Variants in GRIA4 observed in about 807,000 individuals in gnomAD.
The protein encoded by GRIA4 is glutamate ionotropic receptor AMPA type subunit 4, also known as glutamate receptor 4.
Under a neutral mutation model 104.0 loss-of-function variants are expected in GRIA4, and 34 were observed. That is an observed-to-expected ratio of 0.33 (90% CI 0.25 to 0.44). The LOEUF (loss-of-function observed/expected upper bound fraction) is 0.44, where lower values mean the gene tolerates loss of function less well. GRIA4 is among the 20% of genes least tolerant of loss of function. The pLI is 1.00. For synonymous variants in GRIA4, 386 were observed against 381.9 expected, an observed-to-expected ratio of 1.01 and a Z score of -0.13; for missense variants, 750 against 1,096.5, an observed-to-expected ratio of 0.68 and a Z score of 4.46.
intron 3 of GRIA4, among the ~76,000 whole-genome samples, chr11:105,620,877 C>T (rs1435678575): frequency 2.6e-5 from 4 of 151,812 alleles, no homozygotes; most frequent in Non-Finnish European, 5.9e-5. Context: ...TAAATATTTA[C>T]TGAGCTATCA....
chr11:105,900,833 G>C (rs1418283108), intron 7 of GRIA4, among the ~76,000 whole-genome samples: 3 of 152,084 alleles, frequency 2.0e-5, no homozygotes, highest in Admixed American at 6.5e-5. Context: ...CAAGTGATCT[G>C]TCCCAAAGTG....
chr11:105,968,312 C>T (rs940112692), intron 14 of GRIA4, among the ~76,000 whole-genome samples: 21 of 152,208 alleles, frequency 1.4e-4, no homozygotes, highest in African/African-American at 5.1e-4. Flanking sequence ...AATTATTAAA[C>T]TTGTGTTTGA....
intron 4 of GRIA4, among the ~76,000 whole-genome samples, chr11:105,806,591 T>C (rs1043063399): frequency 2.0e-5 from 3 of 151,884 alleles, no homozygotes; most frequent in African/African-American, 7.2e-5. Context: ...TATTCCAGAC[T>C]TGCAGACACA....
intron 3 of GRIA4, chr11:105,708,005 T>C (rs950783390): frequency 6.6e-6 from 1 of 152,120 alleles, no homozygotes; most frequent in Non-Finnish European, 1.5e-5. Context: ...CTGTCACAAA[T>C]AGTTTCAGAG....
intron 3 of GRIA4, among the ~76,000 whole-genome samples, chr11:105,619,794 G>A (rs544086202): frequency 6.6e-6 from 1 of 151,978 alleles, no homozygotes; most frequent in East Asian, 1.9e-4. Flanking sequence ...CAGCCCTAAA[G>A]GAGCCACACA....
At chr11:105,705,649 C>T (rs1953671835) in intron 3 of GRIA4, among the ~76,000 whole-genome samples, 1 of 152,032 alleles carries the variant, frequency 6.6e-6, no homozygotes, top group South Asian at 2.1e-4. Context: ...ACATCCGGTC[C>T]CCCAAAAAGT....
chr11:105,961,612 A>G (rs1948747113), intron 14 of GRIA4, among the ~76,000 whole-genome samples: 1 of 152,144 alleles, frequency 6.6e-6, no homozygotes, highest in South Asian at 2.1e-4. Context: ...TTTGCGTTAC[A>G]CTTACCACCA....
At chr11:105,684,336 T>C (rs183208007) in intron 3 of GRIA4, among the ~76,000 whole-genome samples, 1 of 152,164 alleles carries the variant, frequency 6.6e-6, no homozygotes, top group African/African-American at 2.4e-5. Context: ...GATTTTTTCA[T>C]GGTTCCACCA....
chr11:105,868,028 G>C (rs1945491841), intron 5 of GRIA4, among the ~76,000 whole-genome samples: 1 of 152,138 alleles, frequency 6.6e-6, no homozygotes, highest in African/African-American at 2.4e-5. Flanking sequence ...TTACACTCAA[G>C]CTGGGAACTC....
At chr11:105,771,262 T>C (rs767525481) in intron 4 of GRIA4, among the ~76,000 whole-genome samples, 17 of 152,068 alleles carry the variant, frequency 1.1e-4, no homozygotes, top group Non-Finnish European at 2.2e-4. Flanking sequence ...AAACTAACCT[T>C]CCTTTGTCCA....
intron 4 of GRIA4, among the ~76,000 whole-genome samples, chr11:105,791,227 G>A (rs1483620602): frequency 1.3e-5 from 2 of 152,158 alleles, no homozygotes. Context: ...ATGAATTAGA[G>A]TGCTGCTTTA....
intron 13 of GRIA4, among the ~76,000 whole-genome samples, 179 bp from the exon 14 acceptor site, chr11:105,933,543 G>A (rs902276222): frequency 6.6e-6 from 1 of 152,054 alleles, no homozygotes; most frequent in Non-Finnish European, 1.5e-5. Context: ...CTTAAACAGT[G>A]TTAAAAGGCA....
chr11:105,899,243 A>G (rs1946769901), intron 7 of GRIA4, among the ~76,000 whole-genome samples: 1 of 152,192 alleles, frequency 6.6e-6, no homozygotes, highest in Non-Finnish European at 1.5e-5. Flanking sequence ...AAATACTGGA[A>G]TTTGGCCAGC....
intron 3 of GRIA4, among the ~76,000 whole-genome samples, chr11:105,680,927 A>G (rs1297825825): frequency 6.6e-6 from 1 of 152,192 alleles, no homozygotes; most frequent in East Asian, 1.9e-4. Context: ...ATACATTACA[A>G]CATCCTCCAT....
chr11:105,768,592 TTTCTA>T (rs1224399691), intron 4 of GRIA4, among the ~76,000 whole-genome samples: 1 of 152,090 alleles, frequency 6.6e-6, no homozygotes, highest in Non-Finnish European at 1.5e-5. Context: ...ACCTGCTACT[TTTCTA>T]TTAGCAGGTG....
intron 14 of GRIA4, among the ~76,000 whole-genome samples, chr11:105,953,076 G>A (rs1341435555): frequency 6.6e-6 from 1 of 152,204 alleles, no homozygotes; most frequent in African/African-American, 2.4e-5. Context: ...GGGAAGAAAA[G>A]TAATAACACA....
intron 3 of GRIA4, among the ~76,000 whole-genome samples, chr11:105,714,421 A>G (rs1050973731): frequency 6.6e-6 from 1 of 152,144 alleles, no homozygotes; most frequent in Non-Finnish European, 1.5e-5. Flanking sequence ...ATGCTTCCCT[A>G]CAATAAATAA....
intron 3 of GRIA4, among the ~76,000 whole-genome samples, chr11:105,642,421 C>T (rs920442562): frequency 2.0e-5 from 3 of 150,460 alleles, no homozygotes; most frequent in African/African-American, 7.4e-5. Context: ...GGGTCACACC[C>T]AAGACTTCCT....
chr11:105,912,795 G>T (rs1455644594), intron 10 of GRIA4: 1 of 983,032 alleles, frequency 1.0e-6, no homozygotes, highest in African/African-American at 1.8e-5. Context: ...CAGGACCTAT[G>T]ATATCCCTCC....
Sources: gnomAD v4.1 joint callset for allele counts (sites outside exome capture counted in the v4.1 genomes callset) on GRCh38, gnomAD v4.1.1 for gene constraint, MANE v1.5 for transcripts, NCBI Gene and HGNC (gene_info 2026-07-23, HGNC 2026-07-21) for gene names.